Variants in PXYLP1 observed in about 807,000 individuals in gnomAD.
The protein encoded by PXYLP1 is acid phosphatase-like 2.
In PXYLP1, 17 loss-of-function variants were observed where a neutral mutation model predicts 37.9. That is an observed-to-expected ratio of 0.45 (90% CI 0.31 to 0.67). The LOEUF (loss-of-function observed/expected upper bound fraction) is 0.67, where lower values mean the gene tolerates loss of function less well. Ranked by LOEUF, PXYLP1 falls within the 30% of genes least tolerant of loss-of-function variation. The pLI, the probability that PXYLP1 is intolerant of heterozygous loss-of-function variation, is 0.07. For synonymous variants in PXYLP1, 221 were observed against 232.2 expected (o/e 0.95, Z 0.44); for missense variants, 511 against 612.0 (o/e 0.84, Z 1.74).
chr3:141,284,140 A>G (rs1322863529), intron 4 of PXYLP1, among the ~76,000 whole-genome samples: 1 of 152,112 alleles, frequency 6.6e-6, no homozygotes, highest in Non-Finnish European at 1.5e-5. Context: ...ATTACCTTAA[A>G]TAACAAGGAA....
intron 4 of PXYLP1, among the ~76,000 whole-genome samples, chr3:141,283,700 G>T (rs1053779062): frequency 6.6e-6 from 1 of 151,914 alleles, no homozygotes; most frequent in African/African-American, 2.4e-5. Flanking sequence ...TGTGATTCCA[G>T]TTTCCAGCTA....
chr3:141,278,615 A>G (rs1310040111), intron 3 of PXYLP1, 115 bp downstream of exon 3: 1 of 1,362,686 alleles, frequency 7.3e-7, no homozygotes, highest in Non-Finnish European at 1.0e-6. Flanking sequence ...AGTTGCCACC[A>G]GGCTGTGCCC....
chr3:141,271,883 T>G (rs925704482), intron 2 of PXYLP1, among the ~76,000 whole-genome samples: 3 of 152,102 alleles, frequency 2.0e-5, no homozygotes, highest in Admixed American at 2.0e-4. Flanking sequence ...CACCGGGCCA[T>G]GGGGTTGGCA....
At chr3:141,239,084 T>G (rs1259109368) in intron 1 of PXYLP1, among the ~76,000 whole-genome samples, 1 of 151,454 alleles carries the variant, frequency 6.6e-6, no homozygotes. Context: ...AAAAAAAACC[T>G]TGCCCCACAC....
chr3:141,261,052 C>T (rs1189220779), intron 2 of PXYLP1, among the ~76,000 whole-genome samples: 1 of 152,234 alleles, frequency 6.6e-6, no homozygotes, highest in Non-Finnish European at 1.5e-5. Context: ...CTCTAGGACC[C>T]TTCCAGGAAT....
chr3:141,246,444 G>A (rs1056903817), intron 1 of PXYLP1, among the ~76,000 whole-genome samples: 2 of 152,166 alleles, frequency 1.3e-5, no homozygotes, highest in African/African-American at 4.8e-5. Flanking sequence ...GCTAAACAAG[G>A]CGGGTGAGTT....
intron 5 of PXYLP1, among the ~76,000 whole-genome samples, chr3:141,289,795 C>G (rs61370146): frequency 0.15 from 23,239 of 152,074 alleles, 2,630 homozygotes; most frequent in African/African-American, 0.32. Flanking sequence ...ATCCATCAGC[C>G]CTGGCTAACA....
Position 141,274,565 on chromosome 3 carries a change from G to C in PXYLP1, c.80-3777G>C, listed in dbSNP as rs2148802108. 3 of 1,057,808 alleles carry C rather than the reference G, an allele frequency of 2.8e-6. No homozygotes were observed. In the East Asian group the frequency reaches 7.7e-5, roughly 27 times the overall value. 65.5% of individuals were successfully genotyped at this position (1,057,808 alleles called of 1,614,324 possible). On this transcript the variant is annotated intron_variant, in intron 2 of 5. Coordinates refer to ENST00000286353, the MANE Select transcript of PXYLP1 (RefSeq NM_001037172.3). Reference sequence around the variant, plus strand: ...CGGCAACCCTCAGTGCTCCACATGAGGAGTCAATGAGATATTTCATCAAAA... The same window carrying C: ...CGGCAACCCTCAGTGCTCCACATGACGAGTCAATGAGATATTTCATCAAAA...
intron 2 of PXYLP1, among the ~76,000 whole-genome samples, chr3:141,271,082 T>A (rs1361885619): frequency 2.0e-5 from 3 of 152,184 alleles, no homozygotes; most frequent in Non-Finnish European, 4.4e-5. Flanking sequence ...AAAATAGTAT[T>A]TCTTGATTCC....
chr3:141,288,903 G>C (rs1280778106), intron 5 of PXYLP1, among the ~76,000 whole-genome samples: 1 of 152,094 alleles, frequency 6.6e-6, no homozygotes, highest in Non-Finnish European at 1.5e-5. Flanking sequence ...CTCAATGAAT[G>C]AATGAATGAA....
chr3:141,276,920 C>G (rs1231593874), intron 2 of PXYLP1, among the ~76,000 whole-genome samples: 1 of 152,324 alleles, frequency 6.6e-6, no homozygotes, highest in Admixed American at 6.5e-5. Context: ...TTATGAAAAA[C>G]AGTATCACAC....
intron 2 of PXYLP1, chr3:141,273,739 A>G (rs1239457387): frequency 4.1e-6 from 4 of 985,306 alleles, no homozygotes; most frequent in Non-Finnish European, 4.8e-6. Context: ...AGCAGAGAAC[A>G]CCGCCATAAA....
intron 2 of PXYLP1, chr3:141,262,792 C>G (rs1367652542): frequency 8.6e-7 from 1 of 1,162,386 alleles, no homozygotes; most frequent in African/African-American, 1.5e-5. Context: ...TATTTAATTG[C>G]TTTATTGGTT....
Position 141,293,270 on chromosome 3 carries a change from A to G in PXYLP1, c.*65A>G. 2 of 1,457,484 alleles carry G rather than the reference A, an allele frequency of 1.4e-6. No individual in the cohort carries two copies. Among genetic ancestry groups the G allele is most frequent in the Non-Finnish European group, 1.9e-6 (2 of 1,079,880 alleles). The allele number at this position is 1,457,484 out of a possible 1,614,324, so 90.3% of individuals were successfully genotyped here. ...AGAGCATAGGGAAAGGTCCACTTCT[A>G]GTTTTGTCTGTTACTAAGGGTAGAA... On this transcript the variant is annotated 3_prime_UTR_variant, in exon 6 of 6. Transcript: ENST00000286353.
intron 1 of PXYLP1, among the ~76,000 whole-genome samples, chr3:141,249,115 T>C (rs543170822): frequency 6.6e-6 from 1 of 151,766 alleles, no homozygotes; most frequent in South Asian, 2.1e-4. Flanking sequence ...ACAGCCGTGT[T>C]CTCAGATTTA....
intron 2 of PXYLP1, chr3:141,267,736 A>G (rs996533835): frequency 6.6e-6 from 1 of 152,148 alleles, no homozygotes; most frequent in Non-Finnish European, 1.5e-5. Context: ...AGTGTCATGT[A>G]GCAGGTTCTT....
chr3:141,282,182 A>G (rs1305957122), intron 4 of PXYLP1, among the ~76,000 whole-genome samples: 1 of 151,886 alleles, frequency 6.6e-6, no homozygotes, highest in Non-Finnish European at 1.5e-5. Flanking sequence ...CCTCGTGCTC[A>G]CTCACTGCGC....
chr3:141,292,259 G>C lies in PXYLP1; in HGVS notation c.506-9G>C, dbSNP rs752169016. Reference sequence around the variant, plus strand: ...GAAGTAAGGTAAGCTTTGTGTGCTTGTGTTTCAGGAGTTGTGCAGCATTTG... The same window carrying C: ...GAAGTAAGGTAAGCTTTGTGTGCTTCTGTTTCAGGAGTTGTGCAGCATTTG... On this transcript the variant is annotated splice_polypyrimidine_tract_variant and intron_variant, in intron 5 of 5. Coordinates refer to ENST00000286353, the MANE Select transcript of PXYLP1 (RefSeq NM_001037172.3). This position sits in a 1 kb window ranked among gnomAD's most constrained non-coding sequence, Gnocchi z 4.3. 37 of 1,572,262 alleles carry C rather than the reference G, an allele frequency of 2.4e-5. No individual in the cohort carries two copies. Among genetic ancestry groups the C allele is most frequent in the Non-Finnish European group, 2.9e-5 (34 of 1,160,430 alleles).
chr3:141,251,065 A>G (rs1941129552), intron 1 of PXYLP1, among the ~76,000 whole-genome samples: 1 of 152,200 alleles, frequency 6.6e-6, no homozygotes, highest in African/African-American at 2.4e-5. Context: ...TACTCATTAC[A>G]CCTCCAGAAG....
Sources: gnomAD v4.1 joint callset for allele counts (sites outside exome capture counted in the v4.1 genomes callset) on GRCh38, gnomAD v4.1.1 for gene constraint, Gnocchi (gnomAD v3.1) non-coding constraint, MANE v1.5 for transcripts, NCBI Gene and HGNC (gene_info 2026-07-23, HGNC 2026-07-21) for gene names.